PAN3: variants seen among roughly 807,000 people sequenced by gnomAD.
PAN3 encodes the protein PAN2-PAN3 deadenylation complex subunit PAN3.
A neutral mutation model predicts 96.2 loss-of-function variants in PAN3; 19 were observed. The ratio of observed to expected loss-of-function variants is 0.20; its 90% CI spans 0.14 to 0.29. The LOEUF (loss-of-function observed/expected upper bound fraction) is 0.29. Ranked by LOEUF, PAN3 falls within the 10% of genes least tolerant of loss-of-function variation. PAN3 has a pLI of 1.00. For synonymous variants in PAN3, 433 were observed against 406.6 expected (o/e 1.06, Z -0.78); for missense variants, 882 against 1,108.1 (o/e 0.80, Z 2.90).
intron 16 of PAN3, among the ~76,000 whole-genome samples, chr13:28,281,076 G>A (rs757067631): frequency 5.3e-5 from 8 of 152,088 alleles, no homozygotes; most frequent in Non-Finnish European, 1.0e-4. Flanking sequence ...CAAAAATCTT[G>A]GTTTTTCATG....
chr13:28,204,993 G>A (rs1879180498), intron 5 of PAN3, among the ~76,000 whole-genome samples: 1 of 151,814 alleles, frequency 6.6e-6, no homozygotes. Context: ...TGATTAAATG[G>A]CATTTTTTGT....
intron 17 of PAN3, among the ~76,000 whole-genome samples, chr13:28,286,711 C>T (rs965924612): frequency 3.3e-5 from 5 of 152,028 alleles, no homozygotes; most frequent in African/African-American, 1.2e-4. Flanking sequence ...GTGTTTATAC[C>T]CTTTTTTAGG....
At chr13:28,267,277 G>A in intron 11 of PAN3, 23 bp from the exon 12 acceptor site, 2 of 1,612,364 alleles carry the variant, frequency 1.2e-6, no homozygotes, top group Non-Finnish European at 1.7e-6. Flanking sequence ...TTTCAGTAAT[G>A]AGTGTTTGTG....
At chr13:28,281,269 G>A in intron 16 of PAN3, 46 bp from the exon 17 acceptor site, 1 of 1,526,438 alleles carries the variant, frequency 6.6e-7, no homozygotes, top group Non-Finnish European at 9.0e-7. Flanking sequence ...TTTATGTTCA[G>A]TTATCTGGAA....
At chr13:28,163,023 A>G (rs537737217) in intron 1 of PAN3, among the ~76,000 whole-genome samples, 1 of 152,172 alleles carries the variant, frequency 6.6e-6, no homozygotes, top group South Asian at 2.1e-4. Flanking sequence ...TGGGAGGCCA[A>G]TGCAGGAGGA....
At chr13:28,162,612 A>C (rs772342506) in intron 1 of PAN3, among the ~76,000 whole-genome samples, 27 of 151,646 alleles carry the variant, frequency 1.8e-4, no homozygotes, top group Non-Finnish European at 3.5e-4. Context: ...ACGCCACTGC[A>C]CTCCAACCTG....
chr13:28,212,220 C>G (rs1363317513), intron 5 of PAN3, among the ~76,000 whole-genome samples: 1 of 152,178 alleles, frequency 6.6e-6, no homozygotes, highest in Non-Finnish European at 1.5e-5. Flanking sequence ...CTTCGTAACT[C>G]GTGAAGCACC....
chr13:28,243,545 G>A (rs1883875508), intron 6 of PAN3, among the ~76,000 whole-genome samples: 1 of 152,108 alleles, frequency 6.6e-6, no homozygotes, highest in African/African-American at 2.4e-5. Flanking sequence ...GACTTAAAAA[G>A]ATACCAGAAG....
chr13:28,155,605 T>G (rs1293780443), intron 1 of PAN3, among the ~76,000 whole-genome samples: 1 of 151,694 alleles, frequency 6.6e-6, no homozygotes, highest in Non-Finnish European at 1.5e-5. Flanking sequence ...AAATAAAAAT[T>G]AAAAAACAAA....
chr13:28,202,658 TAC>T (rs140754799), intron 5 of PAN3, among the ~76,000 whole-genome samples: 1,815 of 149,934 alleles, frequency 0.012, 26 homozygotes, highest in African/African-American at 0.041. Context: ...TATATATGTA[TAC>T]ACACACACAC....
intron 1 of PAN3, among the ~76,000 whole-genome samples, chr13:28,150,127 A>G (rs1203784885): frequency 1.3e-5 from 2 of 152,174 alleles, no homozygotes; most frequent in Admixed American, 1.3e-4. Flanking sequence ...AAGAAGGACA[A>G]AATGGAATGA....
intron 5 of PAN3, among the ~76,000 whole-genome samples, chr13:28,211,077 T>C (rs1044968368): frequency 6.6e-6 from 1 of 152,100 alleles, no homozygotes; most frequent in Non-Finnish European, 1.5e-5. Context: ...AATTTTTTTT[T>C]TTTTGTAGAG....
intron 5 of PAN3, chr13:28,215,818 T>A (rs1355915160): frequency 5.1e-6 from 7 of 1,366,340 alleles, no homozygotes; most frequent in Admixed American, 5.0e-5. Flanking sequence ...GCTGTGGGTG[T>A]CATCAAAGCA....
chr13:28,155,307 C>T (rs1472425395), intron 1 of PAN3, among the ~76,000 whole-genome samples: 2 of 152,154 alleles, frequency 1.3e-5, no homozygotes, highest in African/African-American at 4.8e-5. Context: ...AATACAAAGA[C>T]ATATCAGGCC....
intron 1 of PAN3, among the ~76,000 whole-genome samples, chr13:28,151,325 C>G (rs55779710): frequency 0.012 from 1,787 of 152,114 alleles, 25 homozygotes; most frequent in African/African-American, 0.041. Context: ...ACCATCCTGG[C>G]TAACACGGTG....
Position 28,138,636 on chromosome 13 carries a change from A to C in PAN3, c.-22A>C. 1.9e-6 allele frequency: 1 copy of C among 520,064 alleles called. No homozygotes were observed. The highest frequency in any genetic ancestry group is 3.1e-6 in the Non-Finnish European group (1 of 324,982). 32.2% of individuals were successfully genotyped at this position (520,064 alleles called of 1,614,324 possible). ...GCGGCGGCTCCTCGGGCGGCGGCGG[A>C]AGACGAGGCTGCGGCGTTGCCATGA... On this transcript the variant is annotated 5_prime_UTR_variant, in exon 1 of 19. Coordinates refer to ENST00000380958, the MANE Select transcript of PAN3 (RefSeq NM_175854.8).
chr13:28,235,878 AT>A (rs1010161778), intron 6 of PAN3, among the ~76,000 whole-genome samples: 1 of 147,652 alleles, frequency 6.8e-6, no homozygotes, highest in African/African-American at 2.5e-5. Context: ...TGCCCAGCTG[AT>A]TTTTAAATTT....
chr13:28,238,987 A>G (rs45452998), intron 6 of PAN3, among the ~76,000 whole-genome samples: 5,640 of 152,168 alleles, frequency 0.037, 322 homozygotes, highest in African/African-American at 0.13. Flanking sequence ...ACTCTTTTCA[A>G]TCTTTTGATT....
chr13:28,224,686 G>A (rs552506949), intron 6 of PAN3, among the ~76,000 whole-genome samples: 42 of 152,220 alleles, frequency 2.8e-4, no homozygotes, highest in African/African-American at 9.2e-4. Context: ...TGGCATGACC[G>A]TAGCTCACTG....
Sources: gnomAD v4.1 joint callset for allele counts (sites outside exome capture counted in the v4.1 genomes callset) on GRCh38, gnomAD v4.1.1 for gene constraint, MANE v1.5 for transcripts, NCBI Gene and HGNC (gene_info 2026-07-23, HGNC 2026-07-21) for gene names.